The following SLC5A3 variants were observed in gnomAD, a reference collection of about 807,000 sequenced individuals.
SLC5A3 encodes the protein solute carrier family 5 member 3.
A neutral mutation model predicts 43.2 loss-of-function variants in SLC5A3; 10 were observed. The observed-to-expected ratio is 0.23, with a 90% CI of 0.14 to 0.39. The LOEUF (loss-of-function observed/expected upper bound fraction) is 0.39, where lower values mean the gene tolerates loss of function less well. SLC5A3 is among the 10% of genes least tolerant of loss of function. SLC5A3 has a pLI of 1.00. For synonymous variants in SLC5A3, 349 were observed against 322.0 expected (o/e 1.08, Z -0.90); for missense variants, 608 against 893.4 (o/e 0.68, Z 4.07).
At chr21:34,074,988 A>G (rs904132524) in intron 1 of SLC5A3, among the ~76,000 whole-genome samples, 19 of 152,168 alleles carry the variant, frequency 1.2e-4, no homozygotes, top group African/African-American at 4.1e-4. Context: ...CTTGTTCTTC[A>G]TGGATTTGGA....
rs1979307238 is a variant in SLC5A3, at chr21:34,102,797, G to A, written c.*5442G>A. The A allele has an allele frequency of 3.0e-6, 3 of 999,966 alleles. No homozygotes were observed. Among genetic ancestry groups the A allele is most frequent in the Non-Finnish European group, 3.6e-6 (3 of 829,892 alleles). The allele number at this position is 999,966 out of a possible 1,614,324, so 61.9% of individuals were successfully genotyped here. On this transcript the variant is annotated 3_prime_UTR_variant, in exon 2 of 2. Transcript: ENST00000381151. ...CACTGAAAAGCACTATAACATAATT[G>A]TTGTCCATGATACTGAAGCTTTTCC...
intron 1 of SLC5A3, among the ~76,000 whole-genome samples, chr21:34,074,227 G>T (rs1989266119): frequency 1.3e-5 from 2 of 151,170 alleles, no homozygotes; most frequent in East Asian, 3.9e-4. Context: ...CTCCGCTCTA[G>T]CGCCCGCCGG....
rs1401830555 is a variant in SLC5A3, at chr21:34,096,034, A to C, written c.836A>C (p.Asp279Ala). 1 of 1,614,020 alleles carries C rather than the reference A, an allele frequency of 6.2e-7. No homozygotes were observed. The highest frequency in any genetic ancestry group is 8.5e-7 in the Non-Finnish European group (1 of 1,180,002). ...GCTTCAGTATGGTACTGGTGTGCTGACCAAGTCATCGTGCAGAGGGTCCTT... is the reference window on the plus strand; with the variant it reads ...GCTTCAGTATGGTACTGGTGTGCTGCCCAAGTCATCGTGCAGAGGGTCCTT... ...TPASVWYWCA[D>A]QVIVQRVLAA... The change falls in exon 2 of 2, where the codon GAC (aspartate) becomes GCC (alanine). Residue 279 changes from aspartate (D) to alanine (A), a missense_variant. Asp to Ala is a moderately radical substitution (Grantham distance 126). Around this residue, in one of 2 missense-constraint regions of SLC5A3, gnomAD observed 398 missense variants for 668.6 expected, o/e 0.60. Transcript: ENST00000381151. The surrounding 1 kb of genome is among the most constrained non-coding windows in gnomAD (Gnocchi z 5.9).
At position 34,096,403 on chromosome 21, in the gene SLC5A3, C is replaced by G; in HGVS notation, c.1205C>G (p.Ala402Gly). Reference protein sequence around the residue: ...LDVYKLIRKSASSRELMIVGR... With the variant: ...LDVYKLIRKSGSSRELMIVGR... ...GTGTACAAACTTATCCGCAAGAGCG[C>G]AAGCTCCCGGGAGTTAATGATTGTG... The change falls in exon 2 of 2, where the codon GCA becomes GGA. Residue 402 changes from alanine (A) to glycine (G), a missense_variant. Ala to Gly is a moderately conservative substitution (Grantham distance 60). Around this residue, in one of 2 missense-constraint regions of SLC5A3, gnomAD observed 398 missense variants for 668.6 expected, o/e 0.60. Coordinates refer to ENST00000381151, the MANE Select transcript of SLC5A3 (RefSeq NM_006933.7). This position sits in a 1 kb window ranked among gnomAD's most constrained non-coding sequence, Gnocchi z 5.9. 2 of 1,614,226 alleles carry G rather than the reference C, an allele frequency of 1.2e-6. No individual in the cohort carries two copies. The highest frequency in any genetic ancestry group is 1.7e-6 in the Non-Finnish European group (2 of 1,180,026).
rs947811051 is a variant in SLC5A3 at position 34,101,992 on chromosome 21, G to A, written c.*4637G>A. 1.0e-6 allele frequency: 1 copy of A among 1,000,090 alleles called. No individual in the cohort carries two copies. The highest frequency in any genetic ancestry group is 1.2e-6 in the Non-Finnish European group (1 of 829,888). 62.0% of individuals were successfully genotyped at this position (1,000,090 alleles called of 1,614,324 possible). On this transcript the variant is annotated 3_prime_UTR_variant, in exon 2 of 2. Coordinates refer to ENST00000381151, the MANE Select transcript of SLC5A3 (RefSeq NM_006933.7). Reference sequence around the variant, plus strand: ...TTTTTTGCAGTAAAAGTAAAAATTTGGAATTAGTTGGCATATAGAGGAACC... The same window carrying A: ...TTTTTTGCAGTAAAAGTAAAAATTTAGAATTAGTTGGCATATAGAGGAACC...
chr21:34,098,887 AC>A lies in SLC5A3; in HGVS notation c.*1534del. 1.0e-6 allele frequency: 1 copy of A among 999,090 alleles called. No homozygotes were observed. The allele number at this position is 999,090 out of a possible 1,614,324, so 61.9% of individuals were successfully genotyped here. On this transcript the variant is annotated 3_prime_UTR_variant, in exon 2 of 2. Coordinates refer to ENST00000381151, the MANE Select transcript of SLC5A3 (RefSeq NM_006933.7). ...GCAAATTATGTATGTACTTTCTTTG[AC>A]CTTCTTTAATCTCTGATACTTTTTA...
chr21:34,096,623 G>A lies in SLC5A3; in HGVS notation c.1425G>A (p.Met475Ile). ...AACAAGGGGCTTTCTATGGTGGAAT[G>A]GCTGGCTTTGTTCTTGGAGCAGTCC... ...CNEQGAFYGGMAGFVLGAVRL... is the reference protein window; with the variant it reads ...CNEQGAFYGGIAGFVLGAVRL... The change falls in exon 2 of 2, where the codon ATG (methionine) becomes ATA (isoleucine). Residue 475 changes from methionine (M) to isoleucine (I), a missense_variant. Met to Ile is a conservative substitution (Grantham distance 10, BLOSUM62 1). This residue lies in a region of SLC5A3 where 398 missense variants were observed against 668.6 expected (regional missense o/e 0.60). Transcript: ENST00000381151. The surrounding 1 kb of genome is among the most constrained non-coding windows in gnomAD (Gnocchi z 5.9). 6.2e-7 allele frequency: 1 copy of A among 1,614,158 alleles called. No homozygotes were observed. The highest frequency in any genetic ancestry group is 1.1e-5 in the South Asian group (1 of 91,074).
Position 34,101,719 on chromosome 21 carries a change from G to C in SLC5A3, c.*4364G>C, listed in dbSNP as rs1336387455. The C allele has an allele frequency of 2.0e-6, 2 of 995,878 alleles. No homozygotes were observed. Among genetic ancestry groups the C allele is most frequent in the African/African-American group, 1.8e-5 (1 of 57,134 alleles). The allele number at this position is 995,878 out of a possible 1,614,324, so 61.7% of individuals were successfully genotyped here. ...TTTGCCCCAGTATTGAGGACTTTTA[G>C]ATCCAAATAATGACTCATTAAATAT... On this transcript the variant is annotated 3_prime_UTR_variant, in exon 2 of 2. Coordinates refer to ENST00000381151, the MANE Select transcript of SLC5A3 (RefSeq NM_006933.7).
chr21:34,090,548 A>G (rs531420802), intron 1 of SLC5A3, among the ~76,000 whole-genome samples: 14 of 152,334 alleles, frequency 9.2e-5, no homozygotes, highest in Admixed American at 2.6e-4. Flanking sequence ...TAATCTTTCT[A>G]TATATAAATA....
chr21:34,075,417 T>C (rs1989303796), intron 1 of SLC5A3, among the ~76,000 whole-genome samples: 2 of 152,224 alleles, frequency 1.3e-5, no homozygotes, highest in Admixed American at 1.3e-4. Context: ...TTTTTTTTTA[T>C]GTCCTGTAAT....
intron 1 of SLC5A3, among the ~76,000 whole-genome samples, chr21:34,088,682 CA>C (rs374114708): frequency 1 from 152,326 of 152,326 alleles, 76,163 homozygotes; most frequent in Non-Finnish European, 1. Context: ...AGATGTGAGG[CA>C]ACATCCTGGC....
chr21:34,089,630 C>A (rs1978577771), intron 1 of SLC5A3, among the ~76,000 whole-genome samples: 1 of 152,156 alleles, frequency 6.6e-6, no homozygotes, highest in South Asian at 2.1e-4. Flanking sequence ...AAATGGTTTA[C>A]TTTGGAAATT....
intron 1 of SLC5A3, among the ~76,000 whole-genome samples, chr21:34,075,384 T>C (rs1989302866): frequency 6.6e-6 from 1 of 152,250 alleles, no homozygotes; most frequent in African/African-American, 2.4e-5. Context: ...TGGCTGCAAG[T>C]ATTAAGTGTA....
rs760198872 is a variant in SLC5A3 at position 34,095,588 on chromosome 21, T to C, written c.390T>C (p.Ser130=). 5.0e-6 allele frequency: 8 copies of C among 1,613,948 alleles called. No homozygotes were observed. The highest frequency in any genetic ancestry group is 6.8e-6 in the Non-Finnish European group (8 of 1,179,956). ...TTCAGGTCTATTTTGCAGCCTTGTC[T>C]CTGATTCTCTATATTTTCACCAAGC... ...HRIQVYFAAL[S]LILYIFTKLS... Residue 130 remains serine (S), a synonymous_variant, in exon 2 of 2, where the codon TCT becomes TCC. Coordinates refer to ENST00000381151, the MANE Select transcript of SLC5A3 (RefSeq NM_006933.7).
Position 34,095,865 on chromosome 21 carries a change from G to A in SLC5A3, c.667G>A (p.Asp223Asn), listed in dbSNP as rs755732349. ...GAGAAGGTACATGTTGGCCTCACCC[G>A]ATGTCACTTCCATCTTATTGACATA... ...VKRRYMLASP[D>N]VTSILLTYNL... Residue 223 changes from aspartate to asparagine, a missense_variant, in exon 2 of 2, where the codon GAT becomes AAT. By Grantham distance (23) the Asp-to-Asn change is conservative. This residue lies in a region of SLC5A3 where 398 missense variants were observed against 668.6 expected (regional missense o/e 0.60). Transcript: ENST00000381151. 30 of 1,613,918 alleles carry A rather than the reference G, an allele frequency of 1.9e-5. No individual in the cohort carries two copies. Among genetic ancestry groups the A allele is most frequent in the Admixed American group, 3.3e-5 (2 of 59,998 alleles).
At position 34,103,437 on chromosome 21, in the gene SLC5A3, A is replaced by G. The variant is rs1222808001; in HGVS notation, c.*6082A>G. 3 of 998,288 alleles carry G rather than the reference A, an allele frequency of 3.0e-6. No homozygotes were observed. Among genetic ancestry groups the G allele is most frequent in the African/African-American group, 1.8e-5 (1 of 57,088 alleles). The allele number at this position is 998,288 out of a possible 1,614,324, so 61.8% of individuals were successfully genotyped here. ...CCTAAATGTTGTTTCTTTTATATCC[A>G]TTAAAAACTTAAAGTTACTTATGTT... On this transcript the variant is annotated 3_prime_UTR_variant, in exon 2 of 2. Transcript: ENST00000381151.
intron 1 of SLC5A3, among the ~76,000 whole-genome samples, chr21:34,078,463 A>G (rs1989385113): frequency 6.6e-6 from 1 of 152,054 alleles, no homozygotes; most frequent in African/African-American, 2.4e-5. Flanking sequence ...GCTTGTCAGA[A>G]GTTGACATTT....
intron 1 of SLC5A3, among the ~76,000 whole-genome samples, chr21:34,087,634 A>AG (rs1432594710): frequency 2.0e-5 from 3 of 152,206 alleles, no homozygotes; most frequent in African/African-American, 7.2e-5. Flanking sequence ...AAAGGAGAGG[A>AG]GACAGGTCTT....
chr21:34,082,581 T>C (rs1162581017), intron 1 of SLC5A3, among the ~76,000 whole-genome samples: 1 of 152,200 alleles, frequency 6.6e-6, no homozygotes, highest in Non-Finnish European at 1.5e-5. Flanking sequence ...AGTTTACCCA[T>C]GATCCCTGGA....
Sources: gnomAD v4.1 joint callset for allele counts (sites outside exome capture counted in the v4.1 genomes callset) on GRCh38, gnomAD v4.1.1 for gene constraint, gnomAD v4.1.1 regional missense constraint, Gnocchi (gnomAD v3.1) non-coding constraint, MANE v1.5 for transcripts, NCBI Gene and HGNC (gene_info 2026-07-23, HGNC 2026-07-21) for gene names.